Variants in CYTH3 observed in about 807,000 individuals in gnomAD.
The protein encoded by CYTH3 is cytohesin 3, also known as cytohesin-3.
CYTH3 carries 23 observed loss-of-function variants against 55.1 expected under a neutral mutation model. The observed-to-expected ratio is 0.42, with a 90% CI of 0.30 to 0.59. CYTH3 has a LOEUF of 0.59. Ranked by LOEUF, CYTH3 falls within the 20% of genes least tolerant of loss-of-function variation. The probability of loss-of-function intolerance (pLI) is 0.20; values close to 1 mark genes in which losing one functional copy is unlikely to be tolerated. For synonymous variants in CYTH3, 249 were observed against 194.9 expected (o/e 1.28, Z -2.31); for missense variants, 413 against 524.8 (o/e 0.79, Z 2.08).
chr7:6,255,534 G>A (rs954929758), intron 1 of CYTH3, among the ~76,000 whole-genome samples: 8 of 152,064 alleles, frequency 5.3e-5, no homozygotes, highest in African/African-American at 1.9e-4. Flanking sequence ...CAACAGAGTC[G>A]GCCGTGAAGA....
chr7:6,197,771 A>G (rs1783967980), intron 1 of CYTH3, among the ~76,000 whole-genome samples: 1 of 152,138 alleles, frequency 6.6e-6, no homozygotes, highest in Non-Finnish European at 1.5e-5. Context: ...AAGAGTTTGA[A>G]TTTTTCATGT....
intron 1 of CYTH3, among the ~76,000 whole-genome samples, chr7:6,205,411 A>G (rs1784160778): frequency 6.6e-6 from 1 of 151,814 alleles, no homozygotes; most frequent in Admixed American, 6.6e-5. Context: ...CATCTCTACT[A>G]AAAATACAAA....
Position 6,189,539 on chromosome 7 carries a change from G to A in CYTH3, c.117+910C>T, listed in dbSNP as rs989560001. On this transcript the variant is annotated intron_variant, in intron 2 of 12. Coordinates refer to ENST00000350796, the MANE Select transcript of CYTH3 (RefSeq NM_004227.4). ...GCCCAGGCTGGTCTTGAACTCCTGG[G>A]CTCAAGAGATCCTCCTGCCTTGGCC... Among the ~76,000 whole-genome samples the A allele has an allele frequency of 2.0e-5, 3 of 151,908 alleles. No homozygotes were observed. The East Asian group carries it at 5.9e-4, about 30-fold the overall frequency.
At chr7:6,211,532 G>C (rs1784319162) in intron 1 of CYTH3, among the ~76,000 whole-genome samples, 1 of 152,236 alleles carries the variant, frequency 6.6e-6, no homozygotes, top group Non-Finnish European at 1.5e-5. Flanking sequence ...CACACCTATA[G>C]TCCTAGACTC....
intron 1 of CYTH3, among the ~76,000 whole-genome samples, chr7:6,234,847 A>C (rs930589926): frequency 6.6e-6 from 1 of 152,136 alleles, no homozygotes; most frequent in African/African-American, 2.4e-5. Flanking sequence ...GTAATAAGAG[A>C]GCTTGAGTAA....
chr7:6,261,664 T>C (rs1416905801), intron 1 of CYTH3, among the ~76,000 whole-genome samples: 2 of 127,638 alleles, frequency 1.6e-5, no homozygotes, highest in South Asian at 2.4e-4. Flanking sequence ...TGCTTCAGCT[T>C]AGGCGACAGA....
At chr7:6,265,610 C>T (rs1780472543) in intron 1 of CYTH3, among the ~76,000 whole-genome samples, 1 of 145,468 alleles carries the variant, frequency 6.9e-6, no homozygotes, top group Non-Finnish European at 1.5e-5. Flanking sequence ...CAGAGCAAGA[C>T]TCCATTTCAA....
intron 1 of CYTH3, among the ~76,000 whole-genome samples, chr7:6,192,045 G>A (rs1314992692): frequency 6.6e-6 from 1 of 152,016 alleles, no homozygotes; most frequent in African/African-American, 2.4e-5. Context: ...ATGACTGTGA[G>A]GCTGACTGTG....
intron 1 of CYTH3, among the ~76,000 whole-genome samples, chr7:6,247,656 T>G (rs117605382): frequency 0.017 from 2,572 of 152,268 alleles, 31 homozygotes; most frequent in Non-Finnish European, 0.028. Context: ...TAATTTTTAT[T>G]TATTTATTTT....
At chr7:6,242,182 T>C (rs1001062454) in intron 1 of CYTH3, among the ~76,000 whole-genome samples, 4 of 151,486 alleles carry the variant, frequency 2.6e-5, no homozygotes, top group Non-Finnish European at 5.9e-5. Context: ...GTTCACACCA[T>C]TCTCCTGTCT....
chr7:6,177,968 G>C, intron 4 of CYTH3, 27 bp from the exon 5 acceptor site: 7 of 1,534,498 alleles, frequency 4.6e-6, no homozygotes, highest in Non-Finnish European at 6.3e-6. Context: ...TGGAAGCACT[G>C]GTTAGGAGTG....
At chr7:6,252,201 A>G (rs1346583297) in intron 1 of CYTH3, among the ~76,000 whole-genome samples, 3 of 151,678 alleles carry the variant, frequency 2.0e-5, no homozygotes, top group Non-Finnish European at 4.4e-5. Context: ...AACAAATTTA[A>G]GAGAAACTGG....
intron 4 of CYTH3, among the ~76,000 whole-genome samples, chr7:6,178,394 A>G (rs985171218): frequency 6.6e-6 from 1 of 152,160 alleles, no homozygotes; most frequent in Non-Finnish European, 1.5e-5. Flanking sequence ...CCCCTTCACT[A>G]GAGAGGGAGT....
chr7:6,183,838 T>C (rs1783566651), intron 4 of CYTH3, among the ~76,000 whole-genome samples: 1 of 151,694 alleles, frequency 6.6e-6, no homozygotes, highest in African/African-American at 2.4e-5. Context: ...CCTGGCCTCA[T>C]GGGATTTGTG....
intron 1 of CYTH3, among the ~76,000 whole-genome samples, chr7:6,221,262 T>C (rs1049028628): frequency 6.6e-6 from 1 of 152,122 alleles, no homozygotes; most frequent in African/African-American, 2.4e-5. Context: ...AACAGCCTGG[T>C]TGGATTGTAA....
intron 1 of CYTH3, among the ~76,000 whole-genome samples, chr7:6,222,917 T>G (rs1784584722): frequency 6.6e-6 from 1 of 152,162 alleles, no homozygotes; most frequent in Non-Finnish European, 1.5e-5. Context: ...CAAACAACAC[T>G]CCAGTTGGCC....
At chr7:6,240,831 G>A (rs1779654326) in intron 1 of CYTH3, among the ~76,000 whole-genome samples, 1 of 152,032 alleles carries the variant, frequency 6.6e-6, no homozygotes, top group Non-Finnish European at 1.5e-5. Flanking sequence ...AAGAAAAAAA[G>A]GAGGCCAGGC....
Position 6,164,853 on chromosome 7 carries a change from T to C in CYTH3, c.*91A>G. The C allele has an allele frequency of 7.1e-7, 1 of 1,398,992 alleles. No homozygotes were observed. Among genetic ancestry groups the C allele is most frequent in the Non-Finnish European group, 1.0e-6 (1 of 988,234 alleles). The allele number at this position is 1,398,992 out of a possible 1,614,324, so 86.7% of individuals were successfully genotyped here. On this transcript the variant is annotated 3_prime_UTR_variant, in exon 13 of 13. Transcript: ENST00000350796. The stretch of plus-strand genomic sequence containing the variant: ...GCAGCAGCTTGCACCGCAGGGCGAC[T>C]GCCTCCCTGCCACGCCTTCCGCGGA...
chr7:6,166,585 C>G (rs920499765), intron 9 of CYTH3, among the ~76,000 whole-genome samples: 5 of 152,170 alleles, frequency 3.3e-5, no homozygotes, highest in Admixed American at 6.5e-5. Flanking sequence ...GGCGCTGAGG[C>G]CTGGAGGCAA....
Sources: gnomAD v4.1 joint callset for allele counts (sites outside exome capture counted in the v4.1 genomes callset) on GRCh38, gnomAD v4.1.1 for gene constraint, MANE v1.5 for transcripts, NCBI Gene and HGNC (gene_info 2026-07-23, HGNC 2026-07-21) for gene names.